The following INTS6 variants were observed in gnomAD, a reference collection of about 807,000 sequenced individuals.
INTS6 encodes DEAD box protein.
INTS6 carries 16 observed loss-of-function variants against 104.9 expected under a neutral mutation model. The observed-to-expected ratio is 0.15, with a 90% CI of 0.10 to 0.23. The LOEUF (loss-of-function observed/expected upper bound fraction) is 0.23. Ranked by LOEUF, INTS6 falls within the 10% of genes least tolerant of loss-of-function variation. The probability of loss-of-function intolerance (pLI) is 1.00; values close to 1 mark genes in which losing one functional copy is unlikely to be tolerated. For missense variants in INTS6, 584 were observed against 1,062.8 expected (o/e 0.55, Z 6.26); for synonymous variants, 324 against 358.7 (o/e 0.90, Z 1.09).
chr13:51,336,462 C>T, the INTS6 span, among the ~76,000 whole-genome samples: 1 of 151,894 alleles, frequency 6.6e-6, no homozygotes, highest in African/African-American at 2.4e-5. Flanking sequence ...ACTCCAGCCT[C>T]GGTGACAGAG....
chr13:51,381,279 T>TA (rs1399426369), intron 10 of INTS6, among the ~76,000 whole-genome samples: 1 of 152,218 alleles, frequency 6.6e-6, no homozygotes, highest in Non-Finnish European at 1.5e-5. Flanking sequence ...CATAAAACTG[T>TA]AATTTTAAAA....
chr13:51,446,432 T>C (rs1952919875), intron 3 of INTS6: 2 of 152,142 alleles, frequency 1.3e-5, no homozygotes, highest in Non-Finnish European at 2.9e-5. Flanking sequence ...ATAAAGAAAG[T>C]GTAACCCTCG....
intron 12 of INTS6, among the ~76,000 whole-genome samples, chr13:51,377,521 A>G (rs571278399): frequency 8.5e-5 from 13 of 152,260 alleles, no homozygotes; most frequent in Admixed American, 6.5e-4. Context: ...GGTAATGGTC[A>G]AATTCATTAT....
chr13:51,361,291 T>C (rs986915028), downstream of INTS6: 8 of 1,609,016 alleles, frequency 5.0e-6, no homozygotes, highest in Non-Finnish European at 6.8e-6. Context: ...AAGATGGCTT[T>C]TATGTTTCTG....
chr13:51,355,593 T>A (rs1316798337), intron 3 of INTS6, among the ~76,000 whole-genome samples: 2 of 152,152 alleles, frequency 1.3e-5, no homozygotes, highest in Non-Finnish European at 2.9e-5. Context: ...CCTTCCCTCA[T>A]CTGTCCAATT....
intron 3 of INTS6, among the ~76,000 whole-genome samples, chr13:51,431,067 G>C (rs1957082077): frequency 6.6e-6 from 1 of 152,120 alleles, no homozygotes; most frequent in South Asian, 2.1e-4. Flanking sequence ...TAGAAGGTGA[G>C]ATAACTTCAA....
chr13:51,389,294 G>A, intron 6 of INTS6, 25 bp downstream of exon 6: 5 of 1,602,384 alleles, frequency 3.1e-6, no homozygotes, highest in Non-Finnish European at 4.2e-6. Flanking sequence ...AGTTTTGAAT[G>A]TCTAAAAGAA....
At chr13:51,350,493 T>C (rs574084289), downstream of INTS6, among the ~76,000 whole-genome samples, 245 of 152,270 alleles carry the variant, frequency 1.6e-3, no homozygotes, top group Non-Finnish European at 2.6e-3. Flanking sequence ...CATGAGCATG[T>C]TTTGATATTA....
Position 51,362,486 on chromosome 13 carries a change from C to A in INTS6, c.*3266G>T, listed in dbSNP as rs1464312949. The A allele has an allele frequency of 6.6e-6, 1 of 152,634 alleles. No homozygotes were observed. The highest frequency in any genetic ancestry group is 1.5e-5 in the Non-Finnish European group (1 of 68,134). 9.5% of individuals were successfully genotyped at this position (152,634 alleles called of 1,614,324 possible). A position where few individuals can be genotyped will look rare whatever the true frequency, so the allele number is the denominator to read the frequency against. On this transcript the variant is annotated 3_prime_UTR_variant, in exon 18 of 18. Coordinates refer to ENST00000311234, the MANE Select transcript of INTS6 (RefSeq NM_012141.3). ...ACACACAAATATTCTTAGGCTTCGA[C>A]AATATTGAACAAAGTCTTTAGATTA...
chr13:51,357,017 G>A (rs10454626), downstream of INTS6, among the ~76,000 whole-genome samples: 70,645 of 151,868 alleles, frequency 0.47, 17,170 homozygotes, highest in African/African-American at 0.62. Flanking sequence ...CTGCTTTTGT[G>A]AAGTTTAATT....
In INTS6 at chr13:51,452,212, A is replaced by C; in HGVS notation, c.112-157T>G. ...GTCCCCCACACACAGATCGCTCCCC[A>C]CACACCGCCCGGGGCCGGAGCCCGG... On this transcript the variant is annotated intron_variant, in intron 1 of 17. Coordinates refer to ENST00000311234, the MANE Select transcript of INTS6 (RefSeq NM_012141.3). This position sits in a 1 kb window ranked among gnomAD's most constrained non-coding sequence, Gnocchi z 4.2. 1.5e-6 allele frequency: 1 copy of C among 664,996 alleles called. No individual in the cohort carries two copies. The highest frequency in any genetic ancestry group is 2.2e-6 in the Non-Finnish European group (1 of 463,852). 41.2% of individuals were successfully genotyped at this position (664,996 alleles called of 1,614,324 possible).
At chr13:51,372,913 C>A (rs900241733) in intron 15 of INTS6, among the ~76,000 whole-genome samples, 2 of 152,272 alleles carry the variant, frequency 1.3e-5, no homozygotes, top group South Asian at 2.1e-4. Flanking sequence ...AACATGTTTT[C>A]TGTTTGTGGA....
the INTS6 span, among the ~76,000 whole-genome samples, chr13:51,337,579 T>C: frequency 4.8e-3 from 736 of 152,302 alleles, 1 homozygote; most frequent in Non-Finnish European, 7.2e-3. Context: ...ATGAAGGGCA[T>C]GTGCCTTAGT....
At position 51,430,388 on chromosome 13, in the gene INTS6, A is replaced by G; in HGVS notation, c.340-5T>C. The G allele has an allele frequency of 6.2e-7, 1 of 1,606,356 alleles. No individual in the cohort carries two copies. Among genetic ancestry groups the G allele is most frequent in the Non-Finnish European group, 8.5e-7 (1 of 1,176,886 alleles). On this transcript the variant is annotated splice_polypyrimidine_tract_variant and splice_region_variant and intron_variant, in intron 3 of 17. Coordinates refer to ENST00000311234, the MANE Select transcript of INTS6 (RefSeq NM_012141.3). ...CAAGAAAAAAGGGTTTCTTCCCTAA[A>G]GTCAAAAAACACATTGATCATACAA...
intron 4 of INTS6, among the ~76,000 whole-genome samples, chr13:51,429,785 A>AAAAAAAAAAATATATAT (rs1156333077): frequency 3.2e-5 from 3 of 92,380 alleles, no homozygotes; most frequent in South Asian, 3.8e-4. Context: ...AAAAAAAAAA[A>AAAAAAAAAAATATATAT]ATATATATAT....
chr13:51,364,210 TA>T lies in INTS6; in HGVS notation c.*1541del. 8.3e-7 allele frequency: 1 copy of T among 1,212,036 alleles called. No individual in the cohort carries two copies. The highest frequency in any genetic ancestry group is 1.1e-6 in the Non-Finnish European group (1 of 871,514). 75.1% of individuals were successfully genotyped at this position (1,212,036 alleles called of 1,614,324 possible). A position where few individuals can be genotyped will look rare whatever the true frequency, so the allele number is the denominator to read the frequency against. On this transcript the variant is annotated 3_prime_UTR_variant, in exon 18 of 18. Coordinates refer to ENST00000311234, the MANE Select transcript of INTS6 (RefSeq NM_012141.3). ...AAGAACTGCATATGAAAATACTATA[TA>T]ATATTAAATTCTTCTTTTTCTTGAC...
the INTS6 span, among the ~76,000 whole-genome samples, chr13:51,338,152 T>C: frequency 3.3e-5 from 5 of 152,202 alleles, no homozygotes; most frequent in African/African-American, 1.2e-4. Flanking sequence ...CTTTTTTTAA[T>C]TTGGGAAATC....
At chr13:51,338,339 G>A in the INTS6 span, among the ~76,000 whole-genome samples, 4 of 152,170 alleles carry the variant, frequency 2.6e-5, no homozygotes, top group Non-Finnish European at 5.9e-5. Flanking sequence ...AAGTCCCATA[G>A]AAGCTGAGCC....
the INTS6 span, among the ~76,000 whole-genome samples, chr13:51,341,972 C>G: frequency 2.0e-5 from 3 of 152,118 alleles, no homozygotes; most frequent in South Asian, 2.1e-4. Flanking sequence ...CAGCTTATTT[C>G]TATGGATTAT....
Sources: gnomAD v4.1 joint callset for allele counts (sites outside exome capture counted in the v4.1 genomes callset) on GRCh38, gnomAD v4.1.1 for gene constraint, Gnocchi (gnomAD v3.1) non-coding constraint, MANE v1.5 for transcripts, NCBI Gene and HGNC (gene_info 2026-07-23, HGNC 2026-07-21) for gene names.